The following TEAD4 variants were observed in gnomAD, a reference collection of about 807,000 sequenced individuals.
TEAD4 encodes the protein TEA domain transcription factor 4.
TEAD4 carries 36 observed loss-of-function variants against 52.4 expected under a neutral mutation model. The ratio of observed to expected loss-of-function variants is 0.69; its 90% CI spans 0.53 to 0.91. The LOEUF is 0.91. TEAD4 is among the 40% of genes least tolerant of loss of function. TEAD4 has a pLI of 0.00. For missense variants in TEAD4, 508 were observed against 583.9 expected (o/e 0.87, Z 1.34); for synonymous variants, 220 against 231.0 (o/e 0.95, Z 0.43).
intron 3 of TEAD4, 122 bp downstream of exon 3, chr12:2,995,114 A>C (rs546423520): frequency 7.9e-7 from 1 of 1,270,878 alleles, no homozygotes; most frequent in Non-Finnish European, 1.1e-6. Context: ...TCGGGTGGAC[A>C]CTGCTTTCTT....
At chr12:3,012,314 C>T in intron 5 of TEAD4, 82 bp downstream of exon 5, 4 of 1,449,710 alleles carry the variant, frequency 2.8e-6, no homozygotes, top group Non-Finnish European at 3.8e-6. Flanking sequence ...CAGGGCATCA[C>T]TGCTGGTGTG....
chr12:2,979,263 C>T (rs1406248742), intron 2 of TEAD4, among the ~76,000 whole-genome samples: 1 of 152,224 alleles, frequency 6.6e-6, no homozygotes. Flanking sequence ...GGATGCACCA[C>T]ATTTTGTTTA....
intron 9 of TEAD4, among the ~76,000 whole-genome samples, chr12:3,021,582 A>G (rs1213952790): frequency 6.6e-6 from 1 of 152,254 alleles, no homozygotes; most frequent in Non-Finnish European, 1.5e-5. Flanking sequence ...AAGTGCTGGG[A>G]TTACCGGTGT....
intron 2 of TEAD4, among the ~76,000 whole-genome samples, chr12:2,975,885 C>A (rs768512361): frequency 3.9e-5 from 6 of 152,144 alleles, no homozygotes; most frequent in Non-Finnish European, 7.3e-5. Flanking sequence ...TTTGACTGTC[C>A]CTGTAGTTTT....
intron 10 of TEAD4, among the ~76,000 whole-genome samples, chr12:3,032,365 A>G (rs540191680): frequency 3.4e-4 from 52 of 151,508 alleles, no homozygotes; most frequent in African/African-American, 1.2e-3. Context: ...AGGAGCTCGC[A>G]CTCTGGATGG....
intron 6 of TEAD4, among the ~76,000 whole-genome samples, chr12:3,018,308 G>T (rs2098266045): frequency 6.6e-6 from 1 of 152,192 alleles, no homozygotes; most frequent in Non-Finnish European, 1.5e-5. Flanking sequence ...CCTGTGCTGT[G>T]TGGACCACAC....
At chr12:3,020,605 G>T (rs780595860) in intron 8 of TEAD4, 29 bp from the exon 9 acceptor site, 1 of 1,506,904 alleles carries the variant, frequency 6.6e-7, no homozygotes, top group South Asian at 1.3e-5. Flanking sequence ...CCGTGACCAG[G>T]TTCCATGTGC....
intron 5 of TEAD4, among the ~76,000 whole-genome samples, chr12:3,016,397 G>A (rs2098264528): frequency 6.6e-6 from 1 of 152,150 alleles, no homozygotes; most frequent in Admixed American, 6.6e-5. Context: ...TAAAGCTGCA[G>A]ACAGTGAATA....
chr12:3,031,760 A>G (rs1372130550), intron 10 of TEAD4, among the ~76,000 whole-genome samples: 1 of 152,208 alleles, frequency 6.6e-6, no homozygotes, highest in African/African-American at 2.4e-5. Context: ...TGAGGTACAG[A>G]CAGGTAGAAT....
Position 3,002,977 on chromosome 12 carries a change from C to T in TEAD4, c.226+7985C>T, listed in dbSNP as rs374017747. ...AAGTTCCTTCTCCACAAATAGCCTC[C>T]TTCTCCAGCCCCAGGTGTTTATGGC... On this transcript the variant is annotated intron_variant, in intron 3 of 12. Transcript: ENST00000359864. 3.3e-5 allele frequency among the ~76,000 whole-genome samples: 5 copies of T among 152,240 alleles called. No individual in the cohort carries two copies. The South Asian group carries it at 1.0e-3, about 31-fold the overall frequency.
At chr12:2,997,443 G>C (rs1021571253) in intron 3 of TEAD4, among the ~76,000 whole-genome samples, 1 of 152,166 alleles carries the variant, frequency 6.6e-6, no homozygotes, top group Non-Finnish European at 1.5e-5. Flanking sequence ...TTGCCATTTA[G>C]CCAGGAGGGA....
At chr12:2,969,527 C>G (rs2098223392) in intron 2 of TEAD4, among the ~76,000 whole-genome samples, 1 of 152,204 alleles carries the variant, frequency 6.6e-6, no homozygotes, top group African/African-American at 2.4e-5. Context: ...GACTAGGTCA[C>G]CTCCAGGGCC....
At chr12:2,960,463 C>G in intron 2 of TEAD4, 1 of 640,686 alleles carries the variant, frequency 1.6e-6, no homozygotes, top group Non-Finnish European at 1.9e-6. Context: ...CTGATGGGGA[C>G]TAGTGGATCG....
intron 2 of TEAD4, among the ~76,000 whole-genome samples, chr12:2,964,675 T>C (rs2098218786): frequency 6.6e-6 from 1 of 151,350 alleles, no homozygotes; most frequent in Admixed American, 6.6e-5. Flanking sequence ...TATTTCCATG[T>C]TGGCCAGGCT....
intron 2 of TEAD4, among the ~76,000 whole-genome samples, chr12:2,984,302 G>A (rs2098236354): frequency 6.6e-6 from 1 of 152,192 alleles, no homozygotes; most frequent in African/African-American, 2.4e-5. Context: ...GCAGAATCAT[G>A]TGATCAGGTT....
At chr12:2,964,526 T>C (rs1014961409) in intron 2 of TEAD4, among the ~76,000 whole-genome samples, 1 of 151,756 alleles carries the variant, frequency 6.6e-6, no homozygotes, top group African/African-American at 2.4e-5. Flanking sequence ...GCTGCAATCT[T>C]GGCACACCAC....
chr12:2,986,365 C>CAT (rs1565530054), intron 2 of TEAD4, among the ~76,000 whole-genome samples: 4 of 151,424 alleles, frequency 2.6e-5, no homozygotes, highest in African/African-American at 9.7e-5. Context: ...AGGCTGGGTG[C>CAT]GGTGGCTCAC....
intron 6 of TEAD4, 147 bp downstream of exon 6, chr12:3,017,673 A>G: frequency 1.7e-6 from 2 of 1,189,812 alleles, no homozygotes; most frequent in Non-Finnish European, 1.1e-6. Flanking sequence ...GGGAACAAGG[A>G]CCCAAGGGCC....
chr12:3,022,090 A>G (rs943570077), intron 10 of TEAD4, 73 bp downstream of exon 10: 13 of 1,563,786 alleles, frequency 8.3e-6, no homozygotes, highest in Middle Eastern at 1.7e-4. Context: ...GAGAGTGCCC[A>G]GAGTGTGCCC....
Sources: allele counts gnomAD v4.1 joint callset (sites outside exome capture counted in the v4.1 genomes callset), GRCh38; gene constraint gnomAD v4.1.1; transcripts MANE v1.5; gene names NCBI Gene and HGNC (gene_info 2026-07-23, HGNC 2026-07-21).